GIPC2: variants seen among roughly 807,000 people sequenced by gnomAD.
GIPC2 encodes GIPC PDZ domain containing family member 2.
In GIPC2, 30 loss-of-function variants were observed where a neutral mutation model predicts 30.6. The ratio of observed to expected loss-of-function variants is 0.98; its 90% CI spans 0.73 to 1.33. GIPC2 has a LOEUF of 1.33. Ranked by LOEUF, GIPC2 falls within the 40% of genes most tolerant of loss-of-function variation. The pLI is 0.00. For missense variants in GIPC2, 414 were observed against 390.3 expected, an observed-to-expected ratio of 1.06 and a Z score of -0.51; for synonymous variants, 167 against 150.0, an observed-to-expected ratio of 1.11 and a Z score of -0.83.
In GIPC2 at chr1:78,135,782, T is replaced by C; in HGVS notation, c.*39T>C. On this transcript the variant is annotated 3_prime_UTR_variant, in exon 6 of 6. Transcript: ENST00000370759. ...TCTCTGAAGAAACAACCCATCGTTC[T>C]TTTTTTTCTCTTTTTTAAAAAGTCC... 2 of 1,480,722 alleles carry C rather than the reference T, an allele frequency of 1.4e-6. No individual in the cohort carries two copies. Among genetic ancestry groups the C allele is most frequent in the Non-Finnish European group, 1.8e-6 (2 of 1,117,488 alleles). 91.7% of individuals were successfully genotyped at this position (1,480,722 alleles called of 1,614,324 possible).
At chr1:78,099,769 T>C (rs1013911111) in intron 3 of GIPC2, among the ~76,000 whole-genome samples, 2 of 151,894 alleles carry the variant, frequency 1.3e-5, no homozygotes, top group Admixed American at 1.3e-4. Context: ...GAGATTTGAG[T>C]TGAGTCTGAA....
intron 3 of GIPC2, among the ~76,000 whole-genome samples, chr1:78,108,827 C>T (rs1159148285): frequency 1.3e-5 from 2 of 152,158 alleles, no homozygotes; most frequent in African/African-American, 4.8e-5. Flanking sequence ...AAGGTCTTTT[C>T]AGATGGGTTG....
intron 2 of GIPC2, among the ~76,000 whole-genome samples, chr1:78,081,860 T>A (rs1162157644): frequency 6.6e-6 from 1 of 152,212 alleles, no homozygotes; most frequent in African/African-American, 2.4e-5. Flanking sequence ...TTTATTTTTT[T>A]GTTGCAGTAT....
Position 78,108,124 on chromosome 1 carries a change from T to C in GIPC2, c.608-11269T>C, listed in dbSNP as rs1385169094. On this transcript the variant is annotated intron_variant, in intron 3 of 5. Transcript: ENST00000370759. ...ATAATTTTTATTTCTTGAATTCCCA[T>C]GATAAAATCATATTATAGGGTAAAA... is the stretch of plus-strand genomic sequence containing the variant. Among the ~76,000 whole-genome samples the C allele has an allele frequency of 2.0e-5, 3 of 152,348 alleles. No individual in the cohort carries two copies. The East Asian group carries it at 5.8e-4, about 29-fold the overall frequency.
At chr1:78,056,247 C>T (rs11162410) in intron 1 of GIPC2, among the ~76,000 whole-genome samples, 21,569 of 152,124 alleles carry the variant, frequency 0.14, 1,620 homozygotes, top group South Asian at 0.26. Flanking sequence ...GAGGCTGAGG[C>T]AGGAGGATCA....
At chr1:78,124,835 G>A (rs1237408168) in intron 4 of GIPC2, among the ~76,000 whole-genome samples, 5 of 151,976 alleles carry the variant, frequency 3.3e-5, no homozygotes, top group African/African-American at 9.7e-5. Flanking sequence ...GTGAAACCCC[G>A]TCTCTACTAA....
Position 78,077,416 on chromosome 1 carries a change from A to G in GIPC2, c.241-3259A>G, listed in dbSNP as rs544661090. 2.6e-5 allele frequency among the ~76,000 whole-genome samples: 4 copies of G among 152,344 alleles called. No individual in the cohort carries two copies. The East Asian group carries it at 5.8e-4, about 22-fold the overall frequency. On this transcript the variant is annotated intron_variant, in intron 1 of 5. Coordinates refer to ENST00000370759, the MANE Select transcript of GIPC2 (RefSeq NM_017655.6). ...TATTTCTATTGGGCAGTGATGCTCTAGAAAATGAAATAGTCATGGGTACTC... is the reference window on the plus strand; with the variant it reads ...TATTTCTATTGGGCAGTGATGCTCTGGAAAATGAAATAGTCATGGGTACTC...
chr1:78,110,756 G>T (rs993541924), intron 3 of GIPC2, among the ~76,000 whole-genome samples: 4 of 152,200 alleles, frequency 2.6e-5, no homozygotes, highest in Non-Finnish European at 4.4e-5. Context: ...TAGCCTTGCT[G>T]TCTTTACCTG....
intron 5 of GIPC2, among the ~76,000 whole-genome samples, chr1:78,132,019 C>G (rs1302387119): frequency 6.6e-6 from 1 of 152,178 alleles, no homozygotes; most frequent in Non-Finnish European, 1.5e-5. Flanking sequence ...TACCACAGTA[C>G]CTCTCCAAGA....
intron 1 of GIPC2, among the ~76,000 whole-genome samples, chr1:78,056,502 A>G (rs1385372315): frequency 6.6e-6 from 1 of 152,180 alleles, no homozygotes; most frequent in Non-Finnish European, 1.5e-5. Flanking sequence ...ATTATTACAG[A>G]AATTTTAAAT....
chr1:78,101,561 A>T (rs12409081), intron 3 of GIPC2, among the ~76,000 whole-genome samples: 4,574 of 152,318 alleles, frequency 0.03, 198 homozygotes, highest in Admixed American at 0.13. Flanking sequence ...AGAAAAAAAC[A>T]TTTGAAAGCC....
intron 1 of GIPC2, among the ~76,000 whole-genome samples, chr1:78,058,675 A>G (rs1371121951): frequency 1.3e-5 from 2 of 152,214 alleles, no homozygotes; most frequent in Admixed American, 6.5e-5. Context: ...TTGTAAATTC[A>G]TGATACATAT....
At chr1:78,121,237 A>G (rs1662676622) in intron 4 of GIPC2, among the ~76,000 whole-genome samples, 1 of 152,160 alleles carries the variant, frequency 6.6e-6, no homozygotes, top group Admixed American at 6.5e-5. Flanking sequence ...CAGCAGGCCC[A>G]CAACAGCAGC....
At chr1:78,045,378 A>G (rs754573587), upstream of GIPC2, among the ~76,000 whole-genome samples, 1 of 152,186 alleles carries the variant, frequency 6.6e-6, no homozygotes, top group Non-Finnish European at 1.5e-5. Context: ...GAATGGCCTC[A>G]ATTTTCTTTG....
At chr1:78,059,876 G>A (rs932781476) in intron 1 of GIPC2, among the ~76,000 whole-genome samples, 4 of 152,212 alleles carry the variant, frequency 2.6e-5, no homozygotes, top group Non-Finnish European at 5.9e-5. Context: ...AGTGCCAATA[G>A]CACTCTGTGA....
chr1:78,130,075 T>C (rs543099185), intron 5 of GIPC2, among the ~76,000 whole-genome samples: 1 of 151,758 alleles, frequency 6.6e-6, no homozygotes, highest in African/African-American at 2.4e-5. Flanking sequence ...ATAGTGAGAA[T>C]TACATTTCTT....
At chr1:78,102,558 A>G (rs1355632017) in intron 3 of GIPC2, among the ~76,000 whole-genome samples, 2 of 152,240 alleles carry the variant, frequency 1.3e-5, no homozygotes, top group South Asian at 4.1e-4. Context: ...TACAAAAGAG[A>G]TGATAAATTT....
At chr1:78,108,448 G>A (rs1337164405) in intron 3 of GIPC2, among the ~76,000 whole-genome samples, 1 of 152,126 alleles carries the variant, frequency 6.6e-6, no homozygotes, top group Non-Finnish European at 1.5e-5. Flanking sequence ...TCTTATCGAC[G>A]GAATGGTTGA....
intron 1 of GIPC2, among the ~76,000 whole-genome samples, chr1:78,078,680 A>G (rs1661764242): frequency 6.6e-6 from 1 of 152,128 alleles, no homozygotes; most frequent in Non-Finnish European, 1.5e-5. Context: ...TGGTCATTAG[A>G]AGTTCAGTTT....
Sources: allele counts gnomAD v4.1 joint callset (sites outside exome capture counted in the v4.1 genomes callset), GRCh38; gene constraint gnomAD v4.1.1; transcripts MANE v1.5; gene names NCBI Gene and HGNC (gene_info 2026-07-23, HGNC 2026-07-21).